AFF3: variants seen among roughly 807,000 people sequenced by gnomAD.
AFF3 encodes AF4/FMR2 family member 3.
Under a neutral mutation model 129.7 loss-of-function variants are expected in AFF3, and 32 were observed. The ratio of observed to expected loss-of-function variants is 0.25; its 90% CI spans 0.19 to 0.33. The LOEUF (loss-of-function observed/expected upper bound fraction) is 0.33, where lower values mean the gene tolerates loss of function less well. Among genes scored for constraint, AFF3 ranks in the 10% least tolerant of loss-of-function variants. AFF3 has a pLI of 1.00. For missense variants in AFF3, 1,373 were observed against 1,592.0 expected (o/e 0.86, Z 2.34); for synonymous variants, 644 against 635.4 (o/e 1.01, Z -0.20).
chr2:100,111,721 C>T (rs748327864), intron 2 of AFF3, among the ~76,000 whole-genome samples: 20 of 152,184 alleles, frequency 1.3e-4, no homozygotes, highest in Non-Finnish European at 2.2e-4. Flanking sequence ...AAGAAGTTTA[C>T]GAAAACAACT....
chr2:99,743,224 T>A (rs2105133105), intron 10 of AFF3, among the ~76,000 whole-genome samples: 1 of 152,328 alleles, frequency 6.6e-6, no homozygotes, highest in African/African-American at 2.4e-5. Flanking sequence ...TCCACCGGCC[T>A]TTCTCTAGCT....
chr2:99,742,509 GTGAA>G (rs1281564529), intron 10 of AFF3, among the ~76,000 whole-genome samples: 3 of 152,168 alleles, frequency 2.0e-5, no homozygotes, highest in Non-Finnish European at 4.4e-5. Context: ...CTAAATTGCA[GTGAA>G]TATTATAGCA....
intron 7 of AFF3, among the ~76,000 whole-genome samples, chr2:99,968,680 GACGAGAA>G (rs143094062): frequency 0.029 from 4,343 of 152,266 alleles, 119 homozygotes; most frequent in African/African-American, 0.071. Flanking sequence ...CATCAACATA[GACGAGAA>G]ACGAGAAACA....
chr2:99,947,478 A>G (rs1675680774), intron 7 of AFF3, among the ~76,000 whole-genome samples: 3 of 151,778 alleles, frequency 2.0e-5, no homozygotes, highest in South Asian at 4.2e-4. Flanking sequence ...AAAGACAGAT[A>G]GACAGACAGA....
intron 12 of AFF3, among the ~76,000 whole-genome samples, chr2:99,654,921 G>A (rs1300333300): frequency 6.6e-6 from 1 of 152,136 alleles, no homozygotes; most frequent in Non-Finnish European, 1.5e-5. Flanking sequence ...TTATTGAAGG[G>A]AAATCAAAGA....
At chr2:99,583,975 T>C (rs1677838313) in intron 16 of AFF3, among the ~76,000 whole-genome samples, 2 of 151,454 alleles carry the variant, frequency 1.3e-5, no homozygotes, top group Admixed American at 1.3e-4. Context: ...AGTGCTGGGA[T>C]TACAGGCGTG....
intron 7 of AFF3, among the ~76,000 whole-genome samples, chr2:99,906,796 A>G (rs1694748559): frequency 6.6e-6 from 1 of 151,982 alleles, no homozygotes. Context: ...ATATTCGTAT[A>G]AGCCAACACC....
intron 7 of AFF3, among the ~76,000 whole-genome samples, chr2:99,916,475 C>T (rs1299181475): frequency 6.6e-6 from 1 of 152,122 alleles, no homozygotes; most frequent in Non-Finnish European, 1.5e-5. Context: ...GGACTTGGCA[C>T]ACAAGACATC....
chr2:100,104,908 A>AGCCCCGCGCCGCGCCCGCCCCGCGC (rs1559128299), intron 3 of AFF3: 3 of 183,836 alleles, frequency 1.6e-5, no homozygotes, highest in African/African-American at 7.8e-5. Context: ...GCGCACCGTG[A>AGCCCCGCGCCGCGCCCGCCCCGCGC]GCCCCGCGCC....
At chr2:99,823,051 C>T (rs914281969) in intron 8 of AFF3, among the ~76,000 whole-genome samples, 3 of 152,146 alleles carry the variant, frequency 2.0e-5, no homozygotes, top group African/African-American at 7.2e-5. Flanking sequence ...CCCCTTCATG[C>T]TTTCCCTCTG....
intron 4 of AFF3, among the ~76,000 whole-genome samples, chr2:100,067,644 T>C (rs997952614): frequency 2.0e-5 from 3 of 152,132 alleles, no homozygotes; most frequent in Admixed American, 6.5e-5. Context: ...ACTAGCATGA[T>C]GTTGTTTTCT....
intron 7 of AFF3, among the ~76,000 whole-genome samples, chr2:99,942,488 A>G (rs1267836102): frequency 7.1e-6 from 1 of 141,830 alleles, no homozygotes; most frequent in Non-Finnish European, 1.5e-5. Context: ...GTGACCAGAA[A>G]AGGCCTCAAT....
Position 99,700,490 on chromosome 2 carries a change from G to A in AFF3, c.1091+26587C>T, listed in dbSNP as rs114771950. On this transcript the variant is annotated intron_variant, in intron 11 of 24. Transcript: ENST00000672756. ...GTTCACATTACCTTGTTTATTTGAG[G>A]TAAAGGCTTTCATCAAAATCTTCAG... Among the ~76,000 whole-genome samples, 837 of 152,306 alleles carry A rather than the reference G, an allele frequency of 5.5e-3. 5 individuals carry two copies. The highest frequency in any genetic ancestry group is 0.019 in the African/African-American group (781 of 41,568).
At chr2:100,118,926 G>A (rs955725990) in intron 2 of AFF3, among the ~76,000 whole-genome samples, 5 of 151,520 alleles carry the variant, frequency 3.3e-5, no homozygotes, top group South Asian at 2.1e-4. Flanking sequence ...CCTACCTCCC[G>A]AGTAGCTGGG....
At chr2:99,577,476 T>C (rs113607192) in intron 18 of AFF3, among the ~76,000 whole-genome samples, 83 of 152,248 alleles carry the variant, frequency 5.5e-4, no homozygotes, top group African/African-American at 2.0e-3. Context: ...CCAGTGGGGT[T>C]AGTGGTTTGT....
At chr2:99,969,333 T>C (rs1026737952) in intron 7 of AFF3, among the ~76,000 whole-genome samples, 10 of 152,348 alleles carry the variant, frequency 6.6e-5, no homozygotes, top group South Asian at 2.1e-4. Context: ...TGAAGATCCA[T>C]GTTTGGACAA....
intron 14 of AFF3, among the ~76,000 whole-genome samples, chr2:99,600,841 C>A (rs1679757449): frequency 6.6e-6 from 1 of 152,080 alleles, no homozygotes; most frequent in African/African-American, 2.4e-5. Context: ...TAGGAGGCAC[C>A]TAAATCTTCC....
rs200087731 is a variant in AFF3, at chr2:99,836,584, GC to G, written c.921+892del. On this transcript the variant is annotated intron_variant, in intron 8 of 24. Coordinates refer to ENST00000672756, the MANE Select transcript of AFF3 (RefSeq NM_001386135.1). Reference sequence around the variant, plus strand: ...TGCTTTCCAGAAAGAAAAACATCTGGCCTTTTAAAATAGTTGTTAATGTAAA... The same window carrying G: ...TGCTTTCCAGAAAGAAAAACATCTGGCTTTTAAAATAGTTGTTAATGTAAA... 2.6e-5 allele frequency among the ~76,000 whole-genome samples: 4 copies of G among 151,726 alleles called. No individual in the cohort carries two copies. In the East Asian group the frequency reaches 5.8e-4, roughly 22 times the overall value.
chr2:100,053,619 A>T (rs1686529771), intron 4 of AFF3, among the ~76,000 whole-genome samples: 2 of 152,230 alleles, frequency 1.3e-5, no homozygotes, highest in African/African-American at 4.8e-5. Flanking sequence ...CCTGAAAAAG[A>T]GTCCCTTTGA....
Sources: allele counts gnomAD v4.1 joint callset (sites outside exome capture counted in the v4.1 genomes callset), GRCh38; gene constraint gnomAD v4.1.1; transcripts MANE v1.5; gene names NCBI Gene and HGNC (gene_info 2026-07-23, HGNC 2026-07-21).